MCM8: variants seen among roughly 807,000 people sequenced by gnomAD.
MCM8 encodes the protein minichromosome maintenance 8 homologous recombination repair factor.
A neutral mutation model predicts 98.9 loss-of-function variants in MCM8; 85 were observed. That is an observed-to-expected ratio of 0.86 (90% confidence interval 0.72 to 1.03). The LOEUF (loss-of-function observed/expected upper bound fraction) is 1.03. Among genes scored for constraint, MCM8 ranks in the 50% least tolerant of loss-of-function variants. The pLI, the probability that MCM8 is intolerant of heterozygous loss-of-function variation, is 0.00. For synonymous variants in MCM8, 352 were observed against 338.6 expected (o/e 1.04, Z -0.44); for missense variants, 951 against 997.8 (o/e 0.95, Z 0.63).
chr20:5,956,334 C>A (rs2088980975), intron 5 of MCM8, among the ~76,000 whole-genome samples: 1 of 152,180 alleles, frequency 6.6e-6, no homozygotes, highest in East Asian at 1.9e-4. Context: ...GTCCTTATGA[C>A]AATTACAGCT....
At chr20:5,962,536 G>A (rs867652457) in intron 7 of MCM8, among the ~76,000 whole-genome samples, 2 of 105,752 alleles carry the variant, frequency 1.9e-5, no homozygotes, top group South Asian at 3.1e-4. Context: ...CACCGCGCCC[G>A]GCTAATTTTT....
At chr20:5,978,816 C>T (rs1019250701) in intron 13 of MCM8, among the ~76,000 whole-genome samples, 1 of 152,194 alleles carries the variant, frequency 6.6e-6, no homozygotes, top group African/African-American at 2.4e-5. Context: ...CCACACCTCC[C>T]AAAGTGCTGA....
At chr20:5,964,346 C>G (rs192191417) in intron 8 of MCM8, among the ~76,000 whole-genome samples, 1 of 152,236 alleles carries the variant, frequency 6.6e-6, no homozygotes, top group Admixed American at 6.5e-5. Context: ...TGCTTCACCC[C>G]CTTCTTCCCT....
At chr20:5,988,953 C>T (rs1486685995) in intron 17 of MCM8, among the ~76,000 whole-genome samples, 1 of 152,088 alleles carries the variant, frequency 6.6e-6, no homozygotes, top group Admixed American at 6.5e-5. Context: ...CAACCTGGAG[C>T]TGCCATGGCA....
chr20:5,988,538 G>A (rs969035080), intron 17 of MCM8, among the ~76,000 whole-genome samples: 10 of 151,702 alleles, frequency 6.6e-5, no homozygotes, highest in Non-Finnish European at 1.0e-4. Context: ...CTGCTAGCCA[G>A]TGGCAATTAT....
Position 5,983,056 on chromosome 20 carries a change from G to T in MCM8, c.1624G>T (p.Ala542Ser). The T allele has an allele frequency of 6.2e-7, 1 of 1,614,138 alleles. No individual in the cohort carries two copies. Among genetic ancestry groups the T allele is most frequent in the South Asian group, 1.1e-5 (1 of 91,080 alleles). Residue 542 changes from alanine to serine, a missense_variant, in exon 14 of 19, where the codon GCT becomes TCT. Transcript: ENST00000610722. ...EAMEQQSISLAKAGVVCSLPA... is the reference protein window; with the variant it reads ...EAMEQQSISLSKAGVVCSLPA... Reference sequence around the variant, plus strand: ...CATGGAGCAGCAAAGTATTAGTCTTGCTAAGGCTGGTGTGGTTTGTAGCCT... The same window carrying T: ...CATGGAGCAGCAAAGTATTAGTCTTTCTAAGGCTGGTGTGGTTTGTAGCCT...
chr20:5,962,542 T>G lies in MCM8; in HGVS notation c.790-732T>G, dbSNP rs1428463596. On this transcript the variant is annotated intron_variant, in intron 7 of 18. Transcript: ENST00000610722. ...GGCGCCCGCCACCGCGCCCGGCTAA[T>G]TTTTTGTATTTTTAGTAGAGACGGG... is the stretch of plus-strand genomic sequence containing the variant. 4.2e-4 allele frequency among the ~76,000 whole-genome samples: 43 copies of G among 102,226 alleles called. 10 individuals carry two copies. Among genetic ancestry groups the G allele is most frequent in the African/African-American group, 1.2e-3 (14 of 11,610 alleles). 67.1% of individuals were successfully genotyped at this position (102,226 alleles called of 152,430 possible). A position where few individuals can be genotyped will look rare whatever the true frequency, so the allele number is the denominator to read the frequency against.
rs2089963696 is a variant in MCM8 at position 5,996,821 on chromosome 20, T to TA, written c.*2431dup. 6.6e-6 allele frequency: 1 copy of TA among 152,254 alleles called. No homozygotes were observed. Among genetic ancestry groups the TA allele is most frequent in the Non-Finnish European group, 1.5e-5 (1 of 68,056 alleles). The allele number at this position is 152,254 out of a possible 1,614,324, so 9.4% of individuals were successfully genotyped here. A position where few individuals can be genotyped will look rare whatever the true frequency, so the allele number is the denominator to read the frequency against. Reference sequence around the variant, plus strand: ...CAACAAAAGTTGTTTAGCTTTCCCTTACAATCCAGCTTTTATGGGTGTGCA... The same window carrying TA: ...CAACAAAAGTTGTTTAGCTTTCCCTTAACAATCCAGCTTTTATGGGTGTGCA... On this transcript the variant is annotated 3_prime_UTR_variant, in exon 19 of 19. Transcript: ENST00000610722.
intron 13 of MCM8, among the ~76,000 whole-genome samples, chr20:5,980,633 A>G (rs184817893): frequency 3.9e-5 from 6 of 152,276 alleles, no homozygotes; most frequent in Admixed American, 3.9e-4. Context: ...GCACTTTGGG[A>G]GGCCGAGGCA....
At chr20:5,976,398 A>G (rs59867623) in intron 12 of MCM8, among the ~76,000 whole-genome samples, 11,223 of 152,198 alleles carry the variant, frequency 0.074, 516 homozygotes, top group East Asian at 0.24. Context: ...TTTATTAGCC[A>G]GCGACCCAGA....
chr20:5,984,949 T>TA lies in MCM8; in HGVS notation c.1903dup (p.Thr635AsnfsTer5). On this transcript the variant is annotated frameshift_variant, in exon 15 of 19. Coordinates refer to ENST00000610722, the MANE Select transcript of MCM8 (RefSeq NM_032485.6). LOFTEE classifies it high-confidence loss of function. ...CTCGTATGAATAGTCAAGATTCAAA[T>TA]ACTTCCGTACTTGAAGTAGTTTCTG... 6.2e-7 allele frequency: 1 copy of TA among 1,614,136 alleles called. No homozygotes were observed. Among genetic ancestry groups the TA allele is most frequent in the South Asian group, 1.1e-5 (1 of 91,078 alleles).
chr20:5,961,086 G>A (rs1160385368), intron 7 of MCM8, among the ~76,000 whole-genome samples: 1 of 152,058 alleles, frequency 6.6e-6, no homozygotes, highest in Non-Finnish European at 1.5e-5. Context: ...CATAAAACTA[G>A]GGATTTAAGC....
intron 7 of MCM8, among the ~76,000 whole-genome samples, chr20:5,960,707 G>A (rs977208739): frequency 4.6e-5 from 7 of 151,960 alleles, no homozygotes; most frequent in East Asian, 1.9e-4. Context: ...AGGCCGAGGC[G>A]GGCAGATCAC....
At chr20:5,962,249 G>T (rs2089162498) in intron 7 of MCM8, among the ~76,000 whole-genome samples, 1 of 151,568 alleles carries the variant, frequency 6.6e-6, no homozygotes, top group Non-Finnish European at 1.5e-5. Context: ...CCTTTTGTGA[G>T]CTAGTCTCAG....
chr20:5,975,281 A>G (rs1435405404), intron 12 of MCM8, among the ~76,000 whole-genome samples: 1 of 151,606 alleles, frequency 6.6e-6, no homozygotes, highest in Non-Finnish European at 1.5e-5. Flanking sequence ...AAAAGAAAAC[A>G]TTATGTTTAG....
intron 5 of MCM8, 53 bp from the exon 6 acceptor site, chr20:5,957,073 A>G (rs41282142): frequency 0.044 from 52,225 of 1,192,002 alleles, 1,362 homozygotes; most frequent in Middle Eastern, 0.07. Context: ...AGAGTTCTGT[A>G]TAAAGAGGAT....
chr20:5,971,524 C>T (rs1325360764), intron 10 of MCM8, among the ~76,000 whole-genome samples: 2 of 152,202 alleles, frequency 1.3e-5, no homozygotes, highest in Non-Finnish European at 2.9e-5. Context: ...CTGCACCTGG[C>T]CTCATTTTCT....
intron 8 of MCM8, chr20:5,965,286 G>T (rs1411537937): frequency 6.6e-6 from 1 of 152,192 alleles, no homozygotes; most frequent in Non-Finnish European, 1.5e-5. Flanking sequence ...GCTGGAACTG[G>T]CTGGACAGTT....
In MCM8 at chr20:5,957,109, A is replaced by G. The variant is rs747825147; in HGVS notation, c.487-17A>G. On this transcript the variant is annotated splice_polypyrimidine_tract_variant and intron_variant, in intron 5 of 18. Transcript: ENST00000610722. ...GTTTTGTTTTCCAACTTCAGAGTAA[A>G]TGTCTGTCCTGTTTAGGTGTTAACT... 6.4e-7 allele frequency: 1 copy of G among 1,564,432 alleles called. No homozygotes were observed. The highest frequency in any genetic ancestry group is 1.1e-5 in the South Asian group (1 of 87,220).
Sources: allele counts gnomAD v4.1 joint callset (sites outside exome capture counted in the v4.1 genomes callset), GRCh38; gene constraint gnomAD v4.1.1; transcripts MANE v1.5; gene names NCBI Gene and HGNC (gene_info 2026-07-23, HGNC 2026-07-21).